The following SRPK2 variants were observed in gnomAD, a reference collection of about 807,000 sequenced individuals.
SRPK2 encodes the protein SRSF protein kinase 2.
Under a neutral mutation model 90.8 loss-of-function variants are expected in SRPK2, and 21 were observed. That is an observed-to-expected ratio of 0.23 (90% CI 0.16 to 0.33). The LOEUF (loss-of-function observed/expected upper bound fraction) is 0.33. Ranked by LOEUF, SRPK2 falls within the 10% of genes least tolerant of loss-of-function variation. SRPK2 has a pLI of 1.00. For synonymous variants in SRPK2, 288 were observed against 311.1 expected (o/e 0.93, Z 0.78); for missense variants, 620 against 869.0 (o/e 0.71, Z 3.60).
chr7:105,343,847 C>G (rs1368978900), intron 2 of SRPK2, among the ~76,000 whole-genome samples: 1 of 152,162 alleles, frequency 6.6e-6, no homozygotes, highest in Non-Finnish European at 1.5e-5. Flanking sequence ...ACTGAAACCT[C>G]TGCCTCCTGG....
intron 2 of SRPK2, among the ~76,000 whole-genome samples, chr7:105,276,917 T>TA (rs1461623786): frequency 6.6e-6 from 1 of 152,128 alleles, no homozygotes; most frequent in Non-Finnish European, 1.5e-5. Context: ...TTCTCCACCT[T>TA]AATGCTCCAC....
At chr7:105,290,265 TA>T (rs1202204258) in intron 2 of SRPK2, among the ~76,000 whole-genome samples, 52 of 144,316 alleles carry the variant, frequency 3.6e-4, no homozygotes, top group African/African-American at 8.6e-4. Flanking sequence ...CCATTTGTAT[TA>T]AAAAAAAAAC....
intron 2 of SRPK2, among the ~76,000 whole-genome samples, chr7:105,237,014 C>A (rs1372383822): frequency 6.6e-6 from 1 of 152,164 alleles, no homozygotes; most frequent in Non-Finnish European, 1.5e-5. Context: ...ACTAGGAAGT[C>A]AAGTTTGTGT....
At chr7:105,229,606 G>A (rs1799175324) in intron 2 of SRPK2, among the ~76,000 whole-genome samples, 1 of 152,190 alleles carries the variant, frequency 6.6e-6, no homozygotes, top group African/African-American at 2.4e-5. Context: ...GCCCACAACA[G>A]ATGAAGGGGG....
chr7:105,190,491 TTTTG>T (rs1201181690), intron 3 of SRPK2, among the ~76,000 whole-genome samples: 1 of 152,156 alleles, frequency 6.6e-6, no homozygotes, highest in Non-Finnish European at 1.5e-5. Flanking sequence ...TGCATCCTTT[TTTTG>T]TTTGTTTTTT....
intron 6 of SRPK2, among the ~76,000 whole-genome samples, chr7:105,164,939 A>C (rs1808292992): frequency 6.6e-6 from 1 of 152,240 alleles, no homozygotes; most frequent in Admixed American, 6.5e-5. Context: ...CCCATCAGTC[A>C]TGTGCCTCTG....
intron 2 of SRPK2, among the ~76,000 whole-genome samples, chr7:105,261,346 C>T (rs1804253055): frequency 6.6e-6 from 1 of 151,922 alleles, no homozygotes; most frequent in Non-Finnish European, 1.5e-5. Context: ...ACTGTGAAAC[C>T]CCGTCTCTAC....
chr7:105,240,028 T>TA (rs1331828220), intron 2 of SRPK2, among the ~76,000 whole-genome samples: 1 of 152,216 alleles, frequency 6.6e-6, no homozygotes, highest in East Asian at 1.9e-4. Context: ...TAAAAGGTCT[T>TA]ACTCTGTTTA....
At chr7:105,145,628 A>G (rs1804498365) in intron 8 of SRPK2, among the ~76,000 whole-genome samples, 1 of 152,262 alleles carries the variant, frequency 6.6e-6, no homozygotes, top group African/African-American at 2.4e-5. Flanking sequence ...AAAAGAATAC[A>G]TATCACAGTC....
In SRPK2 at chr7:105,215,652, A is replaced by G. The variant is rs1412736617; in HGVS notation, c.72-11867T>C. Among the ~76,000 whole-genome samples the G allele has an allele frequency of 2.6e-5, 4 of 152,200 alleles. No individual in the cohort carries two copies. In the East Asian group the frequency reaches 7.7e-4, roughly 29 times the overall value. On this transcript the variant is annotated intron_variant, in intron 2 of 15. Transcript: ENST00000393651. The stretch of plus-strand genomic sequence containing the variant: ...CAATACAACAGACTATTACTCAACA[A>G]TAAAAAGAAATGAAGTACTCATAGA...
chr7:105,279,067 C>T (rs1020709703), intron 2 of SRPK2, among the ~76,000 whole-genome samples: 8 of 152,296 alleles, frequency 5.3e-5, no homozygotes, highest in African/African-American at 1.9e-4. Flanking sequence ...CCACCCCCTT[C>T]CTTAAACGTA....
At chr7:105,383,444 G>A (rs868388403) in intron 2 of SRPK2, among the ~76,000 whole-genome samples, 2 of 142,438 alleles carry the variant, frequency 1.4e-5, no homozygotes, top group African/African-American at 5.2e-5. Context: ...TAATTGAGAC[G>A]GAGTGTCGCT....
At chr7:105,343,279 C>T (rs149675939) in intron 2 of SRPK2, among the ~76,000 whole-genome samples, 41 of 152,114 alleles carry the variant, frequency 2.7e-4, no homozygotes, top group African/African-American at 9.6e-4. Context: ...ACAAAAAATA[C>T]AAAAACTAGC....
chr7:105,248,033 TA>T (rs1285121144), intron 2 of SRPK2, among the ~76,000 whole-genome samples: 3 of 152,134 alleles, frequency 2.0e-5, no homozygotes, highest in Non-Finnish European at 4.4e-5. Context: ...TCTGTATTTT[TA>T]GTAGAGAGGG....
intron 7 of SRPK2, among the ~76,000 whole-genome samples, chr7:105,151,941 T>C (rs1217071758): frequency 4.0e-5 from 6 of 151,226 alleles, no homozygotes; most frequent in Non-Finnish European, 8.8e-5. Flanking sequence ...GGAGAATCAC[T>C]TGAACCCAGA....
intron 2 of SRPK2, among the ~76,000 whole-genome samples, chr7:105,293,487 C>T (rs1048361865): frequency 8.6e-5 from 13 of 151,966 alleles, no homozygotes; most frequent in Admixed American, 8.5e-4. Context: ...TTGCAACCTT[C>T]CCCCTCCACC....
intron 7 of SRPK2, among the ~76,000 whole-genome samples, chr7:105,153,627 G>GTAAAAAAAA (rs1806075348): frequency 6.6e-6 from 1 of 152,110 alleles, no homozygotes; most frequent in Non-Finnish European, 1.5e-5. Flanking sequence ...GAAATAGAAT[G>GTAAAAAAAA]AGAGCAACTT....
At chr7:105,183,615 T>C (rs753134998) in intron 3 of SRPK2, among the ~76,000 whole-genome samples, 1 of 151,984 alleles carries the variant, frequency 6.6e-6, no homozygotes, top group Non-Finnish European at 1.5e-5. Context: ...GCCTCCAGAG[T>C]AGCTAGGAGT....
chr7:105,292,311 C>T (rs149232567), intron 2 of SRPK2, among the ~76,000 whole-genome samples: 2,160 of 152,114 alleles, frequency 0.014, 46 homozygotes, highest in African/African-American at 0.049. Context: ...AGTTCGAGAC[C>T]AGCCTGGCCA....
Sources: gnomAD v4.1 joint callset for allele counts (sites outside exome capture counted in the v4.1 genomes callset) on GRCh38, gnomAD v4.1.1 for gene constraint, MANE v1.5 for transcripts, NCBI Gene and HGNC (gene_info 2026-07-23, HGNC 2026-07-21) for gene names.